CSMD1: variants seen among roughly 807,000 people sequenced by gnomAD.
The protein encoded by CSMD1 is CUB and sushi domain-containing protein 1.
CSMD1 carries 213 observed loss-of-function variants against 417.5 expected under a neutral mutation model. That is an observed-to-expected ratio of 0.51 (90% confidence interval 0.46 to 0.57). The LOEUF is 0.57. CSMD1 is among the 20% of genes least tolerant of loss of function. The pLI is 0.00. For synonymous variants in CSMD1, 2,862 were observed against 1,736.8 expected (o/e 1.65, Z -16.11); for missense variants, 6,923 against 4,529.7 (o/e 1.53, Z -15.17).
intron 6 of CSMD1, among the ~76,000 whole-genome samples, chr8:3,726,953 A>T (rs1269838259): frequency 6.6e-6 from 1 of 152,214 alleles, no homozygotes; most frequent in African/African-American, 2.4e-5. Context: ...TAAACTCTGA[A>T]GAATTACATT....
rs117887864 is a variant in CSMD1 at position 3,705,750 on chromosome 8, G to A, written c.1009+2664C>T. On this transcript the variant is annotated intron_variant, in intron 7 of 69. Coordinates refer to ENST00000635120, the MANE Select transcript of CSMD1 (RefSeq NM_033225.6). The stretch of plus-strand genomic sequence containing the variant: ...TCTGCAAGAGAGGTTTGTGTGCTTG[G>A]ATCTAATCTCTAGAATCTCAAGAAC... Among the ~76,000 whole-genome samples, 629 of 152,272 alleles carry A rather than the reference G, an allele frequency of 4.1e-3. 8 individuals carry two copies. The highest frequency in any genetic ancestry group is 0.017 in the Middle Eastern group (5 of 294).
chr8:4,679,052 T>C (rs1046194013), intron 1 of CSMD1, among the ~76,000 whole-genome samples: 2 of 152,192 alleles, frequency 1.3e-5, no homozygotes, highest in Non-Finnish European at 2.9e-5. Context: ...CAGATCACAG[T>C]GAGGTTCGTG....
intron 3 of CSMD1, among the ~76,000 whole-genome samples, chr8:4,418,953 T>G (rs1797098310): frequency 6.6e-6 from 1 of 152,210 alleles, no homozygotes; most frequent in Non-Finnish European, 1.5e-5. Context: ...GGTCCATTCC[T>G]ATGTCTCTGC....
At chr8:4,041,066 G>C (rs1267485367) in intron 3 of CSMD1, among the ~76,000 whole-genome samples, 2 of 140,146 alleles carry the variant, frequency 1.4e-5, no homozygotes, top group East Asian at 4.2e-4. Flanking sequence ...GCCCAGGCTG[G>C]AGTGCAGTGG....
intron 3 of CSMD1, among the ~76,000 whole-genome samples, chr8:4,159,421 G>T (rs879434293): frequency 3.3e-5 from 5 of 152,060 alleles, no homozygotes; most frequent in African/African-American, 9.7e-5. Context: ...ATATGAAAAA[G>T]GTATTTGCAC....
chr8:3,947,843 G>A (rs1811339469), intron 5 of CSMD1, among the ~76,000 whole-genome samples: 1 of 152,082 alleles, frequency 6.6e-6, no homozygotes, highest in African/African-American at 2.4e-5. Flanking sequence ...TGTTAACAGG[G>A]CTAACAAAAC....
intron 3 of CSMD1, among the ~76,000 whole-genome samples, chr8:4,229,914 T>G (rs974083683): frequency 2.0e-5 from 3 of 152,218 alleles, no homozygotes; most frequent in African/African-American, 7.2e-5. Flanking sequence ...TCAATAATAT[T>G]TGTTGATTGA....
chr8:3,028,936 T>A (rs779770636), intron 51 of CSMD1, among the ~76,000 whole-genome samples: 1 of 152,220 alleles, frequency 6.6e-6, no homozygotes, highest in Admixed American at 6.5e-5. Context: ...ACAGTCTTTA[T>A]TTGAGAACAC....
chr8:4,760,429 A>G (rs1332722094), intron 1 of CSMD1, among the ~76,000 whole-genome samples: 2 of 152,186 alleles, frequency 1.3e-5, no homozygotes, highest in Non-Finnish European at 2.9e-5. Context: ...TGTGGCTAGA[A>G]GAGTCCATGG....
intron 5 of CSMD1, among the ~76,000 whole-genome samples, chr8:3,937,809 C>G (rs1035481600): frequency 6.6e-6 from 1 of 152,202 alleles, no homozygotes; most frequent in South Asian, 2.1e-4. Flanking sequence ...ACTTCAATTA[C>G]TGCTTACACA....
chr8:4,795,721 C>T (rs1381185625), intron 1 of CSMD1, among the ~76,000 whole-genome samples: 1 of 152,108 alleles, frequency 6.6e-6, no homozygotes, highest in African/African-American at 2.4e-5. Context: ...GGAGAGGCAT[C>T]CTGACAGGTC....
chr8:4,809,997 A>C (rs1798802738), intron 1 of CSMD1, among the ~76,000 whole-genome samples: 1 of 152,206 alleles, frequency 6.6e-6, no homozygotes, highest in Non-Finnish European at 1.5e-5. Context: ...CAGGAATATC[A>C]AGTGAATATA....
intron 2 of CSMD1, among the ~76,000 whole-genome samples, chr8:4,439,525 C>T (rs1449117521): frequency 7.4e-6 from 1 of 134,940 alleles, no homozygotes; most frequent in Non-Finnish European, 1.7e-5. Context: ...TATATGCATA[C>T]ATTTGAAAAT....
At chr8:4,761,839 CTAT>C (rs36001225) in intron 1 of CSMD1, among the ~76,000 whole-genome samples, 5,659 of 57,408 alleles carry the variant, frequency 0.099, 260 homozygotes, top group African/African-American at 0.19. Context: ...TACCATGCAT[CTAT>C]CTATCTATCT....
In CSMD1 at chr8:4,248,349, C is replaced by A. The variant is rs191852956; in HGVS notation, c.415+171604G>T. Among the ~76,000 whole-genome samples, 11 of 152,258 alleles carry A rather than the reference C, an allele frequency of 7.2e-5. No individual in the cohort carries two copies. In the East Asian group the frequency reaches 1.7e-3, roughly 24 times the overall value. On this transcript the variant is annotated intron_variant, in intron 3 of 69. Coordinates refer to ENST00000635120, the MANE Select transcript of CSMD1 (RefSeq NM_033225.6). ...TGAAAGTTTCTCCCAGCCAAACACG[C>A]TTTTACCATCTCATCCCTTGGTGAG...
At chr8:3,571,950 C>T (rs984475891) in intron 10 of CSMD1, among the ~76,000 whole-genome samples, 2 of 152,118 alleles carry the variant, frequency 1.3e-5, no homozygotes, top group African/African-American at 4.8e-5. Flanking sequence ...TGTTCAAGTT[C>T]GTCTCCTCGT....
At chr8:4,335,025 C>T (rs529595846) in intron 3 of CSMD1, among the ~76,000 whole-genome samples, 1 of 152,130 alleles carries the variant, frequency 6.6e-6, no homozygotes, top group South Asian at 2.1e-4. Context: ...TTTTAGCCTC[C>T]TTAGTAGCTG....
chr8:4,245,325 G>C (rs950402730), intron 3 of CSMD1, among the ~76,000 whole-genome samples: 2 of 152,192 alleles, frequency 1.3e-5, no homozygotes, highest in East Asian at 3.8e-4. Context: ...ACTTGGGCTT[G>C]TGAGGCTGCA....
chr8:4,447,649 A>C (rs1381244109), intron 2 of CSMD1, among the ~76,000 whole-genome samples: 1 of 152,192 alleles, frequency 6.6e-6, no homozygotes, highest in African/African-American at 2.4e-5. Context: ...GTTTACGGAA[A>C]AGGAAGGAAT....
Sources: gnomAD v4.1 joint callset for allele counts (sites outside exome capture counted in the v4.1 genomes callset) on GRCh38, gnomAD v4.1.1 for gene constraint, MANE v1.5 for transcripts, NCBI Gene and HGNC (gene_info 2026-07-23, HGNC 2026-07-21) for gene names.